The following CSMD3 variants were observed in gnomAD, a reference collection of about 807,000 sequenced individuals.
The protein encoded by CSMD3 is CUB and Sushi multiple domains 3.
In CSMD3, 177 loss-of-function variants were observed where a neutral mutation model predicts 435.2. The ratio of observed to expected loss-of-function variants is 0.41; its 90% CI spans 0.36 to 0.46. The LOEUF (loss-of-function observed/expected upper bound fraction) is 0.46. Among genes scored for constraint, CSMD3 ranks in the 20% least tolerant of loss-of-function variants. CSMD3 has a pLI of 0.34. For missense variants in CSMD3, 4,265 were observed against 4,504.6 expected (o/e 0.95, Z 1.52); for synonymous variants, 1,656 against 1,520.5 (o/e 1.09, Z -2.07).
chr8:112,310,749 A>G lies in CSMD3; in HGVS notation c.7885+229T>C, dbSNP rs536892751. ...AATAAAGTATGTATACAAGGGGAAAAAGTCAAGGCATATAAGTTGCATAAC... is the reference window on the plus strand; with the variant it reads ...AATAAAGTATGTATACAAGGGGAAAGAGTCAAGGCATATAAGTTGCATAAC... On this transcript the variant is annotated intron_variant, in intron 50 of 70. Transcript: ENST00000297405. 4.9e-6 allele frequency: 3 copies of G among 607,182 alleles called. No homozygotes were observed. The East Asian group carries it at 8.9e-5, about 18-fold the overall frequency. The allele number at this position is 607,182 out of a possible 1,614,324, so 37.6% of individuals were successfully genotyped here. A position where few individuals can be genotyped will look rare whatever the true frequency, so the allele number is the denominator to read the frequency against.
At chr8:112,982,785 T>C (rs1310666675) in intron 6 of CSMD3, among the ~76,000 whole-genome samples, 4 of 152,012 alleles carry the variant, frequency 2.6e-5, no homozygotes, top group African/African-American at 9.7e-5. Context: ...TGTCTAAATA[T>C]ATTACCTTCT....
chr8:113,070,578 CTT>C (rs533878015), intron 5 of CSMD3, among the ~76,000 whole-genome samples: 213 of 152,030 alleles, frequency 1.4e-3, no homozygotes, highest in African/African-American at 4.9e-3. Flanking sequence ...ATAAATGAAA[CTT>C]TGTACTCTTT....
intron 13 of CSMD3, among the ~76,000 whole-genome samples, chr8:112,736,792 C>T (rs943540979): frequency 5.9e-5 from 9 of 151,760 alleles, no homozygotes; most frequent in South Asian, 4.1e-4. Context: ...AATGAATGAA[C>T]GAATGAATGA....
intron 4 of CSMD3, among the ~76,000 whole-genome samples, chr8:113,125,400 C>T (rs1418495023): frequency 6.6e-6 from 1 of 151,780 alleles, no homozygotes; most frequent in African/African-American, 2.4e-5. Flanking sequence ...GGATTTGGGG[C>T]TGGAGATTAA....
intron 13 of CSMD3, among the ~76,000 whole-genome samples, chr8:112,726,558 T>G (rs998599789): frequency 6.6e-6 from 1 of 151,878 alleles, no homozygotes. Flanking sequence ...AACCTAGTAT[T>G]AAGCAGAGTG....
At chr8:112,279,013 AAACAACAACAAC>A (rs200149218) in intron 59 of CSMD3, among the ~76,000 whole-genome samples, 2,860 of 119,224 alleles carry the variant, frequency 0.024, 89 homozygotes, top group African/African-American at 0.068. Context: ...CACCCCCAAA[AAACAACAACAAC>A]AACAACAACA....
At chr8:113,339,544 A>C (rs1418062102) in intron 1 of CSMD3, among the ~76,000 whole-genome samples, 1 of 152,008 alleles carries the variant, frequency 6.6e-6, no homozygotes, top group Non-Finnish European at 1.5e-5. Context: ...CTCTCTTAGG[A>C]GAAATAATAT....
At chr8:112,292,229 T>G (rs1450201526) in intron 55 of CSMD3, among the ~76,000 whole-genome samples, 1 of 152,122 alleles carries the variant, frequency 6.6e-6, no homozygotes, top group Non-Finnish European at 1.5e-5. Flanking sequence ...CTCAATTACT[T>G]TTTATATGCA....
chr8:113,432,617 T>C (rs1168086100), intron 1 of CSMD3, among the ~76,000 whole-genome samples: 1 of 152,190 alleles, frequency 6.6e-6, no homozygotes, highest in East Asian at 1.9e-4. Flanking sequence ...TGAACGGATC[T>C]GGGGGACGGG....
At chr8:112,888,637 G>C (rs955019474) in intron 10 of CSMD3, among the ~76,000 whole-genome samples, 1 of 151,768 alleles carries the variant, frequency 6.6e-6, no homozygotes, top group African/African-American at 2.4e-5. Context: ...CAGAAAAACA[G>C]AGGAAACTGC....
intron 22 of CSMD3, among the ~76,000 whole-genome samples, chr8:112,633,183 G>A (rs2074564088): frequency 6.6e-6 from 1 of 151,928 alleles, no homozygotes; most frequent in Non-Finnish European, 1.5e-5. Flanking sequence ...CTGCATTTAA[G>A]CAACATCAGA....
intron 13 of CSMD3, among the ~76,000 whole-genome samples, chr8:112,792,742 A>AT (rs1029131199): frequency 6.6e-6 from 1 of 151,994 alleles, no homozygotes; most frequent in South Asian, 2.1e-4. Flanking sequence ...TTAACAGTTA[A>AT]TTTTTTTTGA....
At chr8:113,417,365 T>G (rs1008062911) in intron 1 of CSMD3, among the ~76,000 whole-genome samples, 2 of 151,962 alleles carry the variant, frequency 1.3e-5, no homozygotes, top group African/African-American at 4.8e-5. Flanking sequence ...TCTCACAATT[T>G]AAATATAATA....
chr8:112,407,984 T>C (rs1050120722), intron 34 of CSMD3, among the ~76,000 whole-genome samples: 2 of 151,976 alleles, frequency 1.3e-5, no homozygotes, highest in Non-Finnish European at 2.9e-5. Context: ...TTTCGAGTGC[T>C]AAACTAAATT....
chr8:113,317,315 T>A (rs540513608), intron 1 of CSMD3, among the ~76,000 whole-genome samples: 22 of 152,286 alleles, frequency 1.4e-4, no homozygotes, highest in Admixed American at 1.3e-4. Flanking sequence ...TTGAACTTCA[T>A]AACTAAAGGC....
At chr8:113,020,357 G>T (rs1283383319) in intron 5 of CSMD3, among the ~76,000 whole-genome samples, 1 of 151,912 alleles carries the variant, frequency 6.6e-6, no homozygotes, top group Admixed American at 6.6e-5. Flanking sequence ...CAAAATATTG[G>T]AACTATGCTC....
In CSMD3 at chr8:112,472,446, T is replaced by C. The variant is rs1180631768; in HGVS notation, c.5395+145A>G. On this transcript the variant is annotated intron_variant, in intron 32 of 70. Transcript: ENST00000297405. ...GTAAGATGACCTCAAAATTGTATTA[T>C]TACAAAATCACTATCTAAAAAGAAT... The C allele has an allele frequency of 4.6e-6, 3 of 650,118 alleles. No individual in the cohort carries two copies. In the African/African-American group the frequency reaches 5.4e-5, roughly 12 times the overall value. The allele number at this position is 650,118 out of a possible 1,614,324, so 40.3% of individuals were successfully genotyped here. A position where few individuals can be genotyped will look rare whatever the true frequency, so the allele number is the denominator to read the frequency against.
intron 32 of CSMD3, 129 bp downstream of exon 32, chr8:112,472,462 T>C: frequency 1.4e-6 from 1 of 696,322 alleles, no homozygotes. Context: ...AATCACTATC[T>C]AAAAAGAATT....
chr8:113,314,393 C>A, intron 2 of CSMD3, 178 bp downstream of exon 2: 1 of 603,806 alleles, frequency 1.7e-6, no homozygotes, highest in Admixed American at 2.7e-5. Context: ...AGCAATATGA[C>A]ATCAGAGACA....
Sources: allele counts gnomAD v4.1 joint callset (sites outside exome capture counted in the v4.1 genomes callset), GRCh38; gene constraint gnomAD v4.1.1; transcripts MANE v1.5; gene names NCBI Gene and HGNC (gene_info 2026-07-23, HGNC 2026-07-21).